Variants in PREX2 observed in about 807,000 individuals in gnomAD.
The protein encoded by PREX2 is phosphatidylinositol-3,4,5-trisphosphate dependent Rac exchange factor 2.
In PREX2, 107 loss-of-function variants were observed where a neutral mutation model predicts 203.2. That is an observed-to-expected ratio of 0.53 (90% CI 0.45 to 0.62). The LOEUF (loss-of-function observed/expected upper bound fraction) is 0.62, where lower values mean the gene tolerates loss of function less well. PREX2 is among the 20% of genes least tolerant of loss of function. The pLI is 0.00. For missense variants in PREX2, 1,777 were observed against 1,955.9 expected, an observed-to-expected ratio of 0.91 and a Z score of 1.72; for synonymous variants, 672 against 663.6, an observed-to-expected ratio of 1.01 and a Z score of -0.19.
intron 8 of PREX2, among the ~76,000 whole-genome samples, chr8:68,047,515 A>ATT (rs1695483813): frequency 1.0e-5 from 1 of 98,964 alleles, no homozygotes; most frequent in Non-Finnish European, 1.8e-5. Context: ...ATACACATAC[A>ATT]TATATATATA....
intron 1 of PREX2, among the ~76,000 whole-genome samples, chr8:67,962,240 CT>C (rs1368507465): frequency 6.6e-6 from 1 of 152,096 alleles, no homozygotes; most frequent in Non-Finnish European, 1.5e-5. Context: ...AATGTTTTCC[CT>C]TGGTGCCTTG....
intron 1 of PREX2, among the ~76,000 whole-genome samples, chr8:67,985,520 A>T (rs28478207): frequency 0.11 from 17,418 of 152,116 alleles, 1,133 homozygotes; most frequent in African/African-American, 0.19. Flanking sequence ...TTTGGTCTAA[A>T]TGTCAATATT....
At position 68,120,223 on chromosome 8, in the gene PREX2, G is replaced by A. The variant is rs138556155; in HGVS notation, c.3532G>A (p.Gly1178Arg). 6 of 1,613,372 alleles carry A rather than the reference G, an allele frequency of 3.7e-6. No homozygotes were observed. The highest frequency in any genetic ancestry group is 5.1e-6 in the Non-Finnish European group (6 of 1,179,494). The change falls in exon 29 of 40, where the codon GGG (glycine) becomes AGG (arginine). Residue 1178 changes from glycine to arginine, a missense_variant. Physicochemically the swap from Gly to Arg is moderately radical, Grantham distance 125. Coordinates refer to ENST00000288368, the MANE Select transcript of PREX2 (RefSeq NM_024870.4). ...QVDSITNLLK[G>R]QAVVRAFDQT... ...GGATTCAATTACCAATCTCCTAAAA[G>A]GGCAGGCTGTTGTGAGGGCCTTTGA...
chr8:68,155,362 T>A (rs184131156), intron 34 of PREX2, among the ~76,000 whole-genome samples: 273 of 152,276 alleles, frequency 1.8e-3, no homozygotes, highest in African/African-American at 6.0e-3. Context: ...CTTCCACAAT[T>A]GCTTTTCTCA....
chr8:68,128,673 G>A (rs1810945022), intron 31 of PREX2, among the ~76,000 whole-genome samples: 1 of 152,154 alleles, frequency 6.6e-6, no homozygotes, highest in African/African-American at 2.4e-5. Context: ...CAGGGTTCCA[G>A]GAAGACAGTG....
At chr8:68,175,993 T>C (rs1223724524) in intron 35 of PREX2, among the ~76,000 whole-genome samples, 1 of 152,156 alleles carries the variant, frequency 6.6e-6, no homozygotes, top group Non-Finnish European at 1.5e-5. Flanking sequence ...ATTCATAATA[T>C]ATTTCATATG....
At chr8:68,213,810 A>C (rs910728858) in intron 37 of PREX2, among the ~76,000 whole-genome samples, 1 of 152,214 alleles carries the variant, frequency 6.6e-6, no homozygotes, top group Non-Finnish European at 1.5e-5. Context: ...TACTCTAAGC[A>C]GAGCCATTAC....
intron 1 of PREX2, among the ~76,000 whole-genome samples, chr8:68,004,885 G>A (rs1192105579): frequency 6.6e-6 from 1 of 152,054 alleles, no homozygotes; most frequent in Non-Finnish European, 1.5e-5. Context: ...ATTTTTTGAC[G>A]GCTTTCCTAA....
intron 4 of PREX2, among the ~76,000 whole-genome samples, chr8:68,025,224 G>A (rs973031201): frequency 1.3e-5 from 2 of 151,470 alleles, no homozygotes; most frequent in Non-Finnish European, 2.9e-5. Context: ...ATCTGCGAAT[G>A]TCTTTATTTT....
chr8:68,063,346 G>C, intron 11 of PREX2, among the ~76,000 whole-genome samples: 1 of 152,100 alleles, frequency 6.6e-6, no homozygotes, highest in East Asian at 1.9e-4. Flanking sequence ...GGGAGGCTGT[G>C]AAACTGAGTT....
chr8:68,077,925 T>C (rs1215526782), intron 15 of PREX2, among the ~76,000 whole-genome samples: 4 of 152,178 alleles, frequency 2.6e-5, no homozygotes, highest in East Asian at 1.9e-4. Context: ...AACAAAATTA[T>C]AGATCTCTAG....
intron 28 of PREX2, among the ~76,000 whole-genome samples, chr8:68,119,886 C>T (rs991865363): frequency 6.6e-6 from 1 of 151,906 alleles, no homozygotes; most frequent in Non-Finnish European, 1.5e-5. Flanking sequence ...TGTTGTTTTA[C>T]ATTAACAAAA....
chr8:68,024,567 A>G (rs913816054), intron 4 of PREX2, among the ~76,000 whole-genome samples: 21 of 151,940 alleles, frequency 1.4e-4, no homozygotes, highest in Admixed American at 1.2e-3. Flanking sequence ...TCTCTAGAAG[A>G]TGGCATATTG....
At chr8:68,148,838 C>G (rs558761567) in intron 34 of PREX2, among the ~76,000 whole-genome samples, 2 of 152,092 alleles carry the variant, frequency 1.3e-5, no homozygotes, top group Admixed American at 6.6e-5. Flanking sequence ...GTTTATTTAA[C>G]GGGGGTGCAG....
intron 39 of PREX2, among the ~76,000 whole-genome samples, chr8:68,227,208 A>C (rs986052483): frequency 2.0e-5 from 3 of 152,212 alleles, no homozygotes; most frequent in African/African-American, 7.2e-5. Flanking sequence ...GCTTAAAAAA[A>C]ATTATGGTAG....
At chr8:68,096,116 A>G (rs1394526345) in intron 21 of PREX2, among the ~76,000 whole-genome samples, 1 of 152,202 alleles carries the variant, frequency 6.6e-6, no homozygotes, top group African/African-American at 2.4e-5. Flanking sequence ...AATACATAAT[A>G]TTTATCCAAA....
At chr8:68,138,758 TCTA>T (rs1474584829) in intron 33 of PREX2, among the ~76,000 whole-genome samples, 2 of 152,220 alleles carry the variant, frequency 1.3e-5, no homozygotes, top group African/African-American at 4.8e-5. Context: ...GTTATCATTA[TCTA>T]CTATTTCCAC....
At chr8:68,201,301 G>A (rs1812496656) in intron 37 of PREX2, among the ~76,000 whole-genome samples, 1 of 152,106 alleles carries the variant, frequency 6.6e-6, no homozygotes, top group Admixed American at 6.6e-5. Flanking sequence ...AGGAGAGCAG[G>A]TAGTATGGAG....
intron 23 of PREX2, 86 bp from the exon 24 acceptor site, chr8:68,108,023 T>C (rs779246286): frequency 2.6e-5 from 21 of 798,910 alleles, no homozygotes; most frequent in African/African-American, 5.2e-5. Flanking sequence ...TGCCTTTGAT[T>C]TTGTTGTGAA....
Sources: allele counts gnomAD v4.1 joint callset (sites outside exome capture counted in the v4.1 genomes callset), GRCh38; gene constraint gnomAD v4.1.1; transcripts MANE v1.5; gene names NCBI Gene and HGNC (gene_info 2026-07-23, HGNC 2026-07-21).